NALF1: variants seen among roughly 807,000 people sequenced by gnomAD.
NALF1 encodes the protein family with sequence similarity 155 member A.
NALF1 carries 3 observed loss-of-function variants against 48.4 expected under a neutral mutation model. The observed-to-expected ratio is 0.06, with a 90% CI of 0.03 to 0.16. The LOEUF (loss-of-function observed/expected upper bound fraction) is 0.16, where lower values mean the gene tolerates loss of function less well. Ranked by LOEUF, NALF1 falls within the 10% of genes least tolerant of loss-of-function variation. NALF1 has a pLI of 1.00. For synonymous variants in NALF1, 262 were observed against 245.7 expected (o/e 1.07, Z -0.62); for missense variants, 526 against 571.5 (o/e 0.92, Z 0.81).
Position 107,785,076 on chromosome 13 carries a change from G to A in NALF1, c.915+80606C>T, listed in dbSNP as rs139661551. Among the ~76,000 whole-genome samples the A allele has an allele frequency of 8.0e-3, 1,218 of 151,694 alleles. 3 individuals are homozygous for A. Among genetic ancestry groups the A allele is most frequent in the Non-Finnish European group, 0.013 (908 of 67,906 alleles). ...TGTATGTGTCTGTGTATGTGTGTGTGTATGTATATATACACACACATATAT... is the reference window on the plus strand; with the variant it reads ...TGTATGTGTCTGTGTATGTGTGTGTATATGTATATATACACACACATATAT... On this transcript the variant is annotated intron_variant, in intron 1 of 2. Transcript: ENST00000375915.
chr13:107,539,778 C>A (rs1876947448), intron 1 of NALF1, among the ~76,000 whole-genome samples: 1 of 151,974 alleles, frequency 6.6e-6, no homozygotes, highest in East Asian at 1.9e-4. Context: ...TTTACACTTG[C>A]AGTGGTTATG....
intron 1 of NALF1, among the ~76,000 whole-genome samples, chr13:107,631,352 A>G (rs977051354): frequency 1.3e-5 from 2 of 152,142 alleles, no homozygotes; most frequent in African/African-American, 4.8e-5. Flanking sequence ...GGCTCCCATT[A>G]TTTTACAAAT....
At chr13:107,181,941 A>G (rs1410493841) in intron 2 of NALF1, among the ~76,000 whole-genome samples, 2 of 152,120 alleles carry the variant, frequency 1.3e-5, no homozygotes, top group Non-Finnish European at 2.9e-5. Context: ...ATCTCTATAC[A>G]TACTAGCATG....
chr13:107,298,282 G>A (rs1348547942), intron 1 of NALF1, among the ~76,000 whole-genome samples: 7 of 139,172 alleles, frequency 5.0e-5, no homozygotes, highest in Admixed American at 1.5e-4. Flanking sequence ...CTCAGGAGGC[G>A]GAGCTTGCAG....
chr13:107,555,117 T>C (rs1436453662), intron 1 of NALF1, among the ~76,000 whole-genome samples: 1 of 152,134 alleles, frequency 6.6e-6, no homozygotes, highest in Non-Finnish European at 1.5e-5. Flanking sequence ...ATAATCCAAT[T>C]GATCATTAAG....
chr13:107,279,534 G>T (rs1044368674), intron 1 of NALF1, among the ~76,000 whole-genome samples: 1 of 152,056 alleles, frequency 6.6e-6, no homozygotes, highest in African/African-American at 2.4e-5. Flanking sequence ...GGGATTACAG[G>T]CCTGAGCCAC....
At chr13:107,385,190 A>G (rs538967757) in intron 1 of NALF1, among the ~76,000 whole-genome samples, 97 of 152,332 alleles carry the variant, frequency 6.4e-4, no homozygotes, top group East Asian at 1.3e-3. Context: ...CAGTTAAACA[A>G]TAAGTATTTC....
chr13:107,380,943 A>C (rs1432876070), intron 1 of NALF1, among the ~76,000 whole-genome samples: 4 of 147,228 alleles, frequency 2.7e-5, no homozygotes, highest in East Asian at 2.0e-4. Flanking sequence ...GTGCCACTGC[A>C]CTCCAGCCTG....
chr13:107,514,421 A>ATATCTATCTATC (rs34590190), intron 1 of NALF1, among the ~76,000 whole-genome samples: 16,391 of 148,640 alleles, frequency 0.11, 1,000 homozygotes, highest in Middle Eastern at 0.14. Flanking sequence ...AGCTTCTCCT[A>ATATCTATCTATC]TATCTATCTA....
chr13:107,666,348 T>C (rs570970848), intron 1 of NALF1, among the ~76,000 whole-genome samples: 1 of 152,188 alleles, frequency 6.6e-6, no homozygotes, highest in African/African-American at 2.4e-5. Flanking sequence ...CGGTAGCCAT[T>C]GCTTTGATTG....
At chr13:107,301,904 A>T (rs1281685205) in intron 1 of NALF1, among the ~76,000 whole-genome samples, 1 of 152,164 alleles carries the variant, frequency 6.6e-6, no homozygotes, top group African/African-American at 2.4e-5. Context: ...AGCTGAAAAA[A>T]CAACCTATTT....
intron 1 of NALF1, among the ~76,000 whole-genome samples, chr13:107,534,525 T>C (rs1051005039): frequency 6.6e-6 from 1 of 152,178 alleles, no homozygotes; most frequent in Non-Finnish European, 1.5e-5. Flanking sequence ...GTTTATTACA[T>C]AGGTAAATGT....
chr13:107,861,635 T>A (rs775535341), intron 1 of NALF1, among the ~76,000 whole-genome samples: 7 of 152,098 alleles, frequency 4.6e-5, no homozygotes, highest in Non-Finnish European at 7.4e-5. Context: ...ATACAAAAAA[T>A]TAGCTAGGCG....
chr13:107,753,634 A>G (rs1318688443), intron 1 of NALF1, among the ~76,000 whole-genome samples: 1 of 152,156 alleles, frequency 6.6e-6, no homozygotes, highest in Non-Finnish European at 1.5e-5. Context: ...GAAATGAAAT[A>G]TTACGGATAC....
intron 1 of NALF1, among the ~76,000 whole-genome samples, chr13:107,675,800 T>C (rs7328649): frequency 0.048 from 7,352 of 152,248 alleles, 401 homozygotes; most frequent in East Asian, 0.25. Flanking sequence ...GTCACTATTA[T>C]AGAGCCAATC....
intron 1 of NALF1, among the ~76,000 whole-genome samples, chr13:107,738,819 A>G (rs537475804): frequency 1.7e-4 from 26 of 152,102 alleles, no homozygotes; most frequent in African/African-American, 6.3e-4. Context: ...GCCTGCCAGC[A>G]TGACCAGCTC....
chr13:107,779,417 T>G (rs192696352), intron 1 of NALF1, among the ~76,000 whole-genome samples: 1 of 152,330 alleles, frequency 6.6e-6, no homozygotes, highest in East Asian at 1.9e-4. Context: ...TCCTATACAT[T>G]ATCTGAGTCA....
At chr13:107,493,987 T>C (rs751097967) in intron 1 of NALF1, among the ~76,000 whole-genome samples, 3 of 152,148 alleles carry the variant, frequency 2.0e-5, no homozygotes, top group Non-Finnish European at 4.4e-5. Context: ...AGACATTGTT[T>C]TCATTATTTA....
chr13:107,166,893 G>T lies in NALF1; in HGVS notation c.*3604C>A, dbSNP rs1271906581. Reference sequence around the variant, plus strand: ...TAGTACCTAAGGTACCAATTTATTGGTAAGAAACCAAATTACTTTTTGTAA... The same window carrying T: ...TAGTACCTAAGGTACCAATTTATTGTTAAGAAACCAAATTACTTTTTGTAA... On this transcript the variant is annotated 3_prime_UTR_variant, in exon 3 of 3. Transcript: ENST00000375915. The T allele has an allele frequency of 6.6e-6, 1 of 151,834 alleles. No homozygotes were observed. The highest frequency in any genetic ancestry group is 1.5e-5 in the Non-Finnish European group (1 of 67,978). The allele number at this position is 151,834 out of a possible 1,614,324, so 9.4% of individuals were successfully genotyped here. A position where few individuals can be genotyped will look rare whatever the true frequency, so the allele number is the denominator to read the frequency against.
Sources: allele counts gnomAD v4.1 joint callset (sites outside exome capture counted in the v4.1 genomes callset), GRCh38; gene constraint gnomAD v4.1.1; transcripts MANE v1.5; gene names NCBI Gene and HGNC (gene_info 2026-07-23, HGNC 2026-07-21).